The following ZNF862 variants were observed in gnomAD, a reference collection of about 807,000 sequenced individuals.
ZNF862 encodes the protein zinc finger protein 862.
A neutral mutation model predicts 91.1 loss-of-function variants in ZNF862; 64 were observed. The ratio of observed to expected loss-of-function variants is 0.70; its 90% CI spans 0.57 to 0.87. The LOEUF is 0.87. Among genes scored for constraint, ZNF862 ranks in the 40% least tolerant of loss-of-function variants. ZNF862 has a pLI of 0.00. For missense variants in ZNF862, 1,459 were observed against 1,528.0 expected (o/e 0.95, Z 0.75); for synonymous variants, 631 against 618.1 (o/e 1.02, Z -0.31).
In ZNF862 at chr7:149,847,756, T is replaced by A; in HGVS notation, c.263T>A (p.Met88Lys). Residue 88 changes from methionine to lysine, a missense_variant, in exon 4 of 8, where the codon ATG becomes AAG. By Grantham distance (95) the Met-to-Lys change is moderately conservative (BLOSUM62 -1). Coordinates refer to ENST00000223210, the MANE Select transcript of ZNF862 (RefSeq NM_001099220.3). ...AAAGGAAAAAAACAGATGGGCTACA[T>A]GGGAGAAATGGAGGTGCAAGGTCCC... ...HHPGKKQMGYMGEMEVQGPTR... is the reference protein window; with the variant it reads ...HHPGKKQMGYKGEMEVQGPTR... 3 of 1,613,002 alleles carry A rather than the reference T, an allele frequency of 1.9e-6. No homozygotes were observed. The East Asian group carries it at 6.7e-5, about 36-fold the overall frequency.
At position 149,847,841 on chromosome 7, in the gene ZNF862, T is replaced by C; in HGVS notation, c.348T>C (p.Ser116=). Residue 116 remains serine, a synonymous_variant, in exon 4 of 8, where the codon AGT becomes AGC. Coordinates refer to ENST00000223210, the MANE Select transcript of ZNF862 (RefSeq NM_001099220.3). ...PQKKAYLSHL[S]TGSGHIEGDW... The stretch of plus-strand genomic sequence containing the variant: ...AGAAAGCCTACCTTTCCCACCTCAG[T>C]ACAGGCAGTGGACACATCGAGGGAG... The C allele has an allele frequency of 6.2e-7, 1 of 1,613,566 alleles. No homozygotes were observed. The highest frequency in any genetic ancestry group is 8.5e-7 in the Non-Finnish European group (1 of 1,179,740).
At chr7:149,845,319 GTGGT>G (rs1801833944) in intron 2 of ZNF862, among the ~76,000 whole-genome samples, 1 of 152,220 alleles carries the variant, frequency 6.6e-6, no homozygotes, top group African/African-American at 2.4e-5. Flanking sequence ...AAGGACAGAG[GTGGT>G]TGGTTGTATT....
chr7:149,844,150 G>T (rs887683001), intron 1 of ZNF862, among the ~76,000 whole-genome samples: 4 of 152,216 alleles, frequency 2.6e-5, no homozygotes, highest in South Asian at 4.1e-4. Context: ...CAAGCCACAC[G>T]GGATGTAGAT....
chr7:149,864,196 C>T lies in ZNF862; in HGVS notation c.3422C>T (p.Ala1141Val), dbSNP rs1178811402. 1 of 1,596,930 alleles carries T rather than the reference C, an allele frequency of 6.3e-7. No homozygotes were observed. The highest frequency in any genetic ancestry group is 2.3e-5 in the East Asian group (1 of 44,004). Residue 1141 changes from alanine to valine, a missense_variant, in exon 8 of 8, where the codon GCA (alanine) becomes GTA (valine). Physicochemically the swap from Ala to Val is moderately conservative, Grantham distance 64. Transcript: ENST00000223210. ...QKPPILPSREAAEVLKDCIME... is the reference protein window; with the variant it reads ...QKPPILPSREVAEVLKDCIME... ...CCACCCATCCTGCCCTCCAGGGAAG[C>T]AGCGGAGGTTCTGAAGGACTGCATC... is the stretch of plus-strand genomic sequence containing the variant.
chr7:149,857,507 C>T (rs909277015), intron 5 of ZNF862, among the ~76,000 whole-genome samples: 1 of 151,948 alleles, frequency 6.6e-6, no homozygotes, highest in Non-Finnish European at 1.5e-5. Context: ...TGTTTTGCTT[C>T]CTGCTGTATT....
chr7:149,849,163 A>C (rs1801977647), intron 4 of ZNF862, among the ~76,000 whole-genome samples: 1 of 152,192 alleles, frequency 6.6e-6, no homozygotes, highest in Non-Finnish European at 1.5e-5. Context: ...GTTTTTTCAC[A>C]CATGTTGTTT....
rs7799865 is a variant in ZNF862, at chr7:149,843,725, T to C, written c.25-900T>C. Among the ~76,000 whole-genome samples, 845 of 152,306 alleles carry C rather than the reference T, an allele frequency of 5.5e-3. 10 individuals carry two copies. The highest frequency in any genetic ancestry group is 0.019 in the African/African-American group (797 of 41,554). Reference sequence around the variant, plus strand: ...GACGGGCTTATCAGCTGGAGCCTCATGTAAAGGAACCTGGGGAGGCATTTG... The same window carrying C: ...GACGGGCTTATCAGCTGGAGCCTCACGTAAAGGAACCTGGGGAGGCATTTG... On this transcript the variant is annotated intron_variant, in intron 1 of 7. Coordinates refer to ENST00000223210, the MANE Select transcript of ZNF862 (RefSeq NM_001099220.3).
At position 149,855,684 on chromosome 7, in the gene ZNF862, C is replaced by T. The variant is rs1802235228; in HGVS notation, c.1118-3738C>T. 6.6e-6 allele frequency among the ~76,000 whole-genome samples: 1 copy of T among 152,182 alleles called. No homozygotes were observed. The highest frequency in any genetic ancestry group is 2.4e-5 in the African/African-American group (1 of 41,438). On this transcript the variant is annotated intron_variant, in intron 5 of 7. Coordinates refer to ENST00000223210, the MANE Select transcript of ZNF862 (RefSeq NM_001099220.3). The surrounding 1 kb of genome is among the most constrained non-coding windows in gnomAD (Gnocchi z 4.1). ...GTGAATGTCTGCCCTGGCAGCCTGTCTATATAGGCGCCTTCACAGGGGAGT... is the reference window on the plus strand; with the variant it reads ...GTGAATGTCTGCCCTGGCAGCCTGTTTATATAGGCGCCTTCACAGGGGAGT...
In ZNF862 at chr7:149,866,429, T is replaced by G. The variant is rs1232148071; in HGVS notation, c.*2145T>G. ...CTGCCCTACCCACAGGGATTCCACATCAAGGTGCTGTTCCAGCACACATGC... is the reference window on the plus strand; with the variant it reads ...CTGCCCTACCCACAGGGATTCCACAGCAAGGTGCTGTTCCAGCACACATGC... On this transcript the variant is annotated 3_prime_UTR_variant, in exon 8 of 8. Transcript: ENST00000223210. 6.6e-6 allele frequency: 1 copy of G among 152,206 alleles called. No individual in the cohort carries two copies. Among genetic ancestry groups the G allele is most frequent in the Non-Finnish European group, 1.5e-5 (1 of 68,058 alleles). 9.4% of individuals were successfully genotyped at this position (152,206 alleles called of 1,614,324 possible).
At position 149,860,940 on chromosome 7, in the gene ZNF862, C is replaced by T. The variant is rs763640564; in HGVS notation, c.1780C>T (p.Arg594Cys). The stretch of plus-strand genomic sequence containing the variant: ...GGGGACCGTGATATTAGGCAAGTAC[C>T]GCAATCGCACGGCGTGCACTCAGTT... ...STGTVILGKY[R>C]NRTACTQFIK... Residue 594 changes from arginine (R) to cysteine (C), a missense_variant, in exon 7 of 8, where the codon CGC becomes TGC. Physicochemically the swap from Arg to Cys is radical, Grantham distance 180 (BLOSUM62 -3). Coordinates refer to ENST00000223210, the MANE Select transcript of ZNF862 (RefSeq NM_001099220.3). 23 of 1,613,606 alleles carry T rather than the reference C, an allele frequency of 1.4e-5. No homozygotes were observed. Among genetic ancestry groups the T allele is most frequent in the East Asian group, 2.2e-5 (1 of 44,870 alleles).
At chr7:149,859,840 C>T (rs1802397119) in intron 6 of ZNF862, 1 of 342,504 alleles carries the variant, frequency 2.9e-6, no homozygotes, top group African/African-American at 2.1e-5. Context: ...ATCTGTGAGC[C>T]TCTCATCCCT....
At chr7:149,843,260 T>G (rs561637247) in intron 1 of ZNF862, among the ~76,000 whole-genome samples, 2 of 152,244 alleles carry the variant, frequency 1.3e-5, no homozygotes, top group African/African-American at 2.4e-5. Flanking sequence ...AAAATCGATA[T>G]TCCACCTATT....
At position 149,865,502 on chromosome 7, in the gene ZNF862, G is replaced by C. The variant is rs1216870657; in HGVS notation, c.*1218G>C. The C allele has an allele frequency of 6.7e-6, 1 of 149,168 alleles. No homozygotes were observed. The highest frequency in any genetic ancestry group is 6.7e-5 in the Admixed American group (1 of 14,942). The allele number at this position is 149,168 out of a possible 1,614,324, so 9.2% of individuals were successfully genotyped here. On this transcript the variant is annotated 3_prime_UTR_variant, in exon 8 of 8. Coordinates refer to ENST00000223210, the MANE Select transcript of ZNF862 (RefSeq NM_001099220.3). ...AACCACCGCCCTAGAGGCACAGAGG[G>C]GCTTCTGGCACTGCTAGGTTCACAC...
At position 149,862,107 on chromosome 7, in the gene ZNF862, G is replaced by T; in HGVS notation, c.2947G>T (p.Gly983Ter). 6.2e-7 allele frequency: 1 copy of T among 1,613,614 alleles called. No individual in the cohort carries two copies. Among genetic ancestry groups the T allele is most frequent in the South Asian group, 1.1e-5 (1 of 91,084 alleles). ...ARYFECSLPTGYSEEALLEEW... is the reference protein window; with the variant it reads ...ARYFECSLPT ...GTATTTCGAGTGCTCCCTCCCAACAGGATACAGTGAGGAAGCTCTGCTGGA... is the reference window on the plus strand; with the variant it reads ...GTATTTCGAGTGCTCCCTCCCAACATGATACAGTGAGGAAGCTCTGCTGGA... The change falls in exon 7 of 8, where the codon GGA becomes TGA. Residue 983 changes from glycine (G) to a stop codon, truncating the protein, a stop_gained. Coordinates refer to ENST00000223210, the MANE Select transcript of ZNF862 (RefSeq NM_001099220.3). LOFTEE classifies it high-confidence loss of function.
chr7:149,858,943 G>A, intron 5 of ZNF862: 1 of 127,896 alleles, frequency 7.8e-6, no homozygotes, highest in Non-Finnish European at 1.6e-5. Flanking sequence ...GCACACGCGT[G>A]GGCCAGCTGT....
chr7:149,847,804 T>C lies in ZNF862; in HGVS notation c.311T>C (p.Leu104Pro), dbSNP rs1408949735. Residue 104 changes from leucine to proline, a missense_variant, in exon 4 of 8, where the codon CTC (leucine) becomes CCC (proline). By Grantham distance (98) the Leu-to-Pro change is moderately conservative. Transcript: ENST00000223210. ...QGPTRESGQS[L>P]PPQKKAYLSH... is the part of the protein sequence containing the mutation. ...CCCACCAGGGAGAGTGGACAGTCCCTCCCGCCTCAGAAGAAAGCCTACCTT... is the reference window on the plus strand; with the variant it reads ...CCCACCAGGGAGAGTGGACAGTCCCCCCCGCCTCAGAAGAAAGCCTACCTT... The C allele has an allele frequency of 1.2e-6, 2 of 1,613,676 alleles. No homozygotes were observed. Among genetic ancestry groups the C allele is most frequent in the Non-Finnish European group, 1.7e-6 (2 of 1,179,778 alleles).
Position 149,861,659 on chromosome 7 carries a change from C to A in ZNF862, c.2499C>A (p.Arg833=). ...HRAKGMLKLM[R]GFHFVKFCHF... is the part of the protein sequence containing the mutation. ...CCAAAGGGATGCTGAAGCTCATGCG[C>A]GGCTTCCACTTTGTCAAGTTCTGCC... Residue 833 remains arginine (R), a synonymous_variant, in exon 7 of 8, where the codon CGC becomes CGA. Transcript: ENST00000223210. The surrounding 1 kb of genome is among the most constrained non-coding windows in gnomAD (Gnocchi z 6.7). The A allele has an allele frequency of 6.2e-7, 1 of 1,609,368 alleles. No homozygotes were observed. Among genetic ancestry groups the A allele is most frequent in the Non-Finnish European group, 8.5e-7 (1 of 1,178,498 alleles).
chr7:149,864,095 T>G lies in ZNF862; in HGVS notation c.3335-14T>G, dbSNP rs781533460. On this transcript the variant is annotated splice_polypyrimidine_tract_variant and intron_variant, in intron 7 of 7. Coordinates refer to ENST00000223210, the MANE Select transcript of ZNF862 (RefSeq NM_001099220.3). ...GTCAGTCAGTCTAATTGTATTCTCC[T>G]TCCTCCCTCACAGGCGCCAGGCTCA... The G allele has an allele frequency of 4.5e-6, 7 of 1,561,888 alleles. No individual in the cohort carries two copies. Among genetic ancestry groups the G allele is most frequent in the Non-Finnish European group, 5.2e-6 (6 of 1,153,380 alleles).
In ZNF862 at chr7:149,867,119, G is replaced by C. The variant is rs1356341431; in HGVS notation, c.*2835G>C. ...CTCCCTGATGACTGATACCCACCGG[G>C]TCTGACATTCCAAGTAACCAGTATG... On this transcript the variant is annotated 3_prime_UTR_variant, in exon 8 of 8. Coordinates refer to ENST00000223210, the MANE Select transcript of ZNF862 (RefSeq NM_001099220.3). The C allele has an allele frequency of 6.6e-6, 1 of 152,192 alleles. No homozygotes were observed. Among genetic ancestry groups the C allele is most frequent in the Admixed American group, 6.5e-5 (1 of 15,284 alleles). The allele number at this position is 152,192 out of a possible 1,614,324, so 9.4% of individuals were successfully genotyped here. A position where few individuals can be genotyped will look rare whatever the true frequency, so the allele number is the denominator to read the frequency against.
Sources: gnomAD v4.1 joint callset for allele counts (sites outside exome capture counted in the v4.1 genomes callset) on GRCh38, gnomAD v4.1.1 for gene constraint, Gnocchi (gnomAD v3.1) non-coding constraint, MANE v1.5 for transcripts, NCBI Gene and HGNC (gene_info 2026-07-23, HGNC 2026-07-21) for gene names.